CDC16: variants seen among roughly 807,000 people sequenced by gnomAD.
CDC16 encodes the protein cell division cycle protein 16 homolog.
CDC16 carries 34 observed loss-of-function variants against 87.0 expected under a neutral mutation model. The ratio of observed to expected loss-of-function variants is 0.39; its 90% CI spans 0.30 to 0.52. The LOEUF (loss-of-function observed/expected upper bound fraction) is 0.52. Among genes scored for constraint, CDC16 ranks in the 20% least tolerant of loss-of-function variants. The probability of loss-of-function intolerance (pLI) is 0.74; values close to 1 mark genes in which losing one functional copy is unlikely to be tolerated. For missense variants in CDC16, 653 were observed against 751.9 expected (o/e 0.87, Z 1.54); for synonymous variants, 263 against 260.6 (o/e 1.01, Z -0.09).
intron 10 of CDC16, 38 bp downstream of exon 10, chr13:114,246,087 T>A (rs1650116884): frequency 1.0e-6 from 1 of 973,552 alleles, no homozygotes; most frequent in African/African-American, 1.7e-5. Flanking sequence ...TTTTTTTTTT[T>A]TACCTGTACT....
intron 14 of CDC16, among the ~76,000 whole-genome samples, chr13:114,260,155 C>T (rs2082748693): frequency 6.6e-6 from 1 of 152,202 alleles, no homozygotes; most frequent in Admixed American, 6.5e-5. Flanking sequence ...TTTCTTCTCC[C>T]TTGGCTGTTA....
chr13:114,238,523 G>C (rs1223269989), intron 3 of CDC16, among the ~76,000 whole-genome samples: 1 of 151,506 alleles, frequency 6.6e-6, no homozygotes, highest in African/African-American at 2.4e-5. Context: ...GATCTCCTCG[G>C]ACGCCCAGCA....
At chr13:114,266,698 C>G (rs2083238139) in intron 17 of CDC16, among the ~76,000 whole-genome samples, 1 of 146,400 alleles carries the variant, frequency 6.8e-6, no homozygotes, top group Non-Finnish European at 1.5e-5. Context: ...ATTACTGAAT[C>G]TTTTTTTTTT....
In CDC16 at chr13:114,244,956, G is replaced by A. The variant is rs751455397; in HGVS notation, c.834G>A (p.Leu278=). Residue 278 remains leucine (L), a synonymous_variant, in exon 9 of 18, where the codon CTG becomes CTA. Transcript: ENST00000356221. Reference sequence around the variant, plus strand: ...TACATATAGGGACGCTTGTAGAGCTGAATAAAGCCAATGGTAAGACTTTTT... The same window carrying A: ...TACATATAGGGACGCTTGTAGAGCTAAATAAAGCCAATGGTAAGACTTTTT... ...LPVHIGTLVE[L]NKANELFYLS... 29 of 1,589,006 alleles carry A rather than the reference G, an allele frequency of 1.8e-5. No homozygotes were observed. The East Asian group carries it at 2.0e-4, about 11-fold the overall frequency.
intron 17 of CDC16, among the ~76,000 whole-genome samples, chr13:114,267,566 TA>T (rs1439922785): frequency 6.6e-6 from 1 of 152,206 alleles, no homozygotes; most frequent in African/African-American, 2.4e-5. Context: ...TTTACATGCT[TA>T]AAACCTTAAA....
At chr13:114,242,713 C>T (rs17291159) in intron 6 of CDC16, 5,418 of 165,106 alleles carry the variant, frequency 0.033, 157 homozygotes, top group Non-Finnish European at 0.047. Context: ...GTGTGAGGTG[C>T]GTCAACAAGG....
intron 14 of CDC16, 69 bp downstream of exon 14, chr13:114,259,467 C>A: frequency 2.4e-6 from 2 of 846,872 alleles, no homozygotes; most frequent in Non-Finnish European, 3.5e-6. Context: ...ATGAGGAAAA[C>A]AACACAGAAA....
At chr13:114,240,013 A>T (rs907579446) in intron 5 of CDC16, among the ~76,000 whole-genome samples, 5 of 66,786 alleles carry the variant, frequency 7.5e-5, no homozygotes, top group African/African-American at 5.9e-4. Context: ...TCTGGATTTA[A>T]AAAAAAAAAT....
intron 16 of CDC16, among the ~76,000 whole-genome samples, 164 bp downstream of exon 16, chr13:114,263,178 A>T (rs1394403455): frequency 6.6e-6 from 1 of 152,238 alleles, no homozygotes; most frequent in Admixed American, 6.5e-5. Context: ...GGTGTTGTAC[A>T]GTATTCATCA....
At chr13:114,240,946 AAAAC>A (rs2081518645) in intron 5 of CDC16, among the ~76,000 whole-genome samples, 1 of 152,016 alleles carries the variant, frequency 6.6e-6, no homozygotes, top group African/African-American at 2.4e-5. Flanking sequence ...ACATTTTTAA[AAAAC>A]AACTCCTAGG....
In CDC16 at chr13:114,234,950, C is replaced by T. The variant is rs373180289; in HGVS notation, c.-135C>T. The stretch of plus-strand genomic sequence containing the variant: ...GGTGTGGGTGGGGACCTGCGGCCTT[C>T]GAGTCCGCGGCCTTCGAGTCCTGGG... On this transcript the variant is annotated 5_prime_UTR_variant, in exon 1 of 18. Transcript: ENST00000356221. 2.5e-5 allele frequency: 14 copies of T among 549,394 alleles called. No homozygotes were observed. The highest frequency in any genetic ancestry group is 3.6e-5 in the East Asian group (1 of 28,064). The allele number at this position is 549,394 out of a possible 1,614,324, so 34.0% of individuals were successfully genotyped here.
At chr13:114,241,784 C>T (rs947091221) in intron 5 of CDC16, among the ~76,000 whole-genome samples, 1 of 152,196 alleles carries the variant, frequency 6.6e-6, no homozygotes, top group Non-Finnish European at 1.5e-5. Flanking sequence ...GGCATGGTTG[C>T]TCATGCCTGT....
chr13:114,234,936 G>T lies in CDC16; in HGVS notation c.-149G>T, dbSNP rs1437072878. ...GGGTGGGGGGTGCGGGTGTGGGTGG[G>T]GACCTGCGGCCTTCGAGTCCGCGGC... On this transcript the variant is annotated 5_prime_UTR_variant, in exon 1 of 18. Transcript: ENST00000356221. 1.5e-5 allele frequency: 7 copies of T among 454,542 alleles called. No individual in the cohort carries two copies. The highest frequency in any genetic ancestry group is 9.3e-5 in the South Asian group (1 of 10,732). 28.2% of individuals were successfully genotyped at this position (454,542 alleles called of 1,614,324 possible). A position where few individuals can be genotyped will look rare whatever the true frequency, so the allele number is the denominator to read the frequency against.
intron 13 of CDC16, among the ~76,000 whole-genome samples, chr13:114,259,124 A>T (rs552387566): frequency 2.0e-5 from 3 of 151,762 alleles, no homozygotes; most frequent in Admixed American, 2.0e-4. Flanking sequence ...AGGAATATAA[A>T]TACTGTATCT....
chr13:114,255,833 G>A (rs563386219), intron 12 of CDC16, among the ~76,000 whole-genome samples: 1 of 152,200 alleles, frequency 6.6e-6, no homozygotes, highest in South Asian at 2.1e-4. Flanking sequence ...TTTAGAGATG[G>A]GGTCTCACTG....
At chr13:114,249,246 C>T (rs962425784) in intron 11 of CDC16, among the ~76,000 whole-genome samples, 2 of 151,706 alleles carry the variant, frequency 1.3e-5, no homozygotes, top group African/African-American at 2.4e-5. Flanking sequence ...TGCGCACTTA[C>T]GAGAACCTAA....
chr13:114,250,389 G>A (rs1256371779), intron 11 of CDC16, among the ~76,000 whole-genome samples, 160 bp from the exon 12 acceptor site: 5 of 151,800 alleles, frequency 3.3e-5, no homozygotes, highest in Non-Finnish European at 7.4e-5. Context: ...CTACTCGGGA[G>A]GTTGAGGTAG....
Position 114,242,240 on chromosome 13 carries a change from C to T in CDC16, c.501C>T (p.Phe167=), listed in dbSNP as rs145297166. Residue 167 remains phenylalanine, a synonymous_variant, in exon 6 of 18, where the codon TTC becomes TTT. Transcript: ENST00000356221. ...LKLDVYCFEA[F]DLLTSHHMLT... ...TTGATGTCTACTGTTTTGAAGCGTT[C>T]GATCTTTTAACATCACATCACATGC... 281 of 1,614,008 alleles carry T rather than the reference C, an allele frequency of 1.7e-4. No individual in the cohort carries two copies. Among genetic ancestry groups the T allele is most frequent in the Non-Finnish European group, 2.3e-4 (271 of 1,179,968 alleles).
intron 14 of CDC16, 97 bp downstream of exon 14, chr13:114,259,495 T>C (rs923154192): frequency 3.1e-6 from 2 of 635,252 alleles, no homozygotes; most frequent in Non-Finnish European, 5.1e-6. Flanking sequence ...CCTTCGAAGA[T>C]AGTAACCTGA....
Sources: allele counts gnomAD v4.1 joint callset (sites outside exome capture counted in the v4.1 genomes callset), GRCh38; gene constraint gnomAD v4.1.1; transcripts MANE v1.5; gene names NCBI Gene and HGNC (gene_info 2026-07-23, HGNC 2026-07-21).